TMEM266: variants seen among roughly 807,000 people sequenced by gnomAD.
The protein encoded by TMEM266 is Hv1 related protein 1.
In TMEM266, 33 loss-of-function variants were observed where a neutral mutation model predicts 50.5. The observed-to-expected ratio is 0.65, with a 90% confidence interval of 0.50 to 0.87. The LOEUF is 0.87. TMEM266 is among the 40% of genes least tolerant of loss of function. The probability of loss-of-function intolerance (pLI) is 0.00; values close to 1 mark genes in which losing one functional copy is unlikely to be tolerated. For missense variants in TMEM266, 655 were observed against 695.1 expected, an observed-to-expected ratio of 0.94 and a Z score of 0.65; for synonymous variants, 310 against 292.3, an observed-to-expected ratio of 1.06 and a Z score of -0.62.
In TMEM266 at chr15:76,139,534, C is replaced by T. The variant is rs1420019285; in HGVS notation, c.227+1639C>T. On this transcript the variant is annotated intron_variant, in intron 3 of 10. Coordinates refer to ENST00000388942, the MANE Select transcript of TMEM266 (RefSeq NM_152335.3). This position sits in a 1 kb window ranked among gnomAD's most constrained non-coding sequence, Gnocchi z 4.1. ...CAGAGCCCCGTACTTAGAAGGGTCC[C>T]AACACTTGGCTAAATGCTCTGCCGC... Among the ~76,000 whole-genome samples the T allele has an allele frequency of 6.6e-6, 1 of 152,176 alleles. No homozygotes were observed. The highest frequency in any genetic ancestry group is 1.5e-5 in the Non-Finnish European group (1 of 68,036).
intron 7 of TMEM266, among the ~76,000 whole-genome samples, chr15:76,172,011 A>T (rs943244932): frequency 1.3e-5 from 2 of 152,156 alleles, no homozygotes; most frequent in Non-Finnish European, 2.9e-5. Flanking sequence ...TGGGCTCCAG[A>T]GGGTGTCCTT....
intron 1 of TMEM266, among the ~76,000 whole-genome samples, chr15:76,124,681 C>A (rs1456608508): frequency 1.3e-5 from 2 of 152,086 alleles, no homozygotes; most frequent in African/African-American, 4.8e-5. Context: ...TGCCTGTTGT[C>A]CCAGCTACTC....
chr15:76,095,205 A>G (rs1468125793), intron 1 of TMEM266, among the ~76,000 whole-genome samples: 6 of 152,028 alleles, frequency 3.9e-5, no homozygotes. Context: ...TTTCAAAGGG[A>G]ATGCTTCCAG....
intron 1 of TMEM266, among the ~76,000 whole-genome samples, chr15:76,133,857 TG>T (rs1256392626): frequency 2.6e-5 from 4 of 152,174 alleles, no homozygotes; most frequent in Non-Finnish European, 5.9e-5. Flanking sequence ...GATGCTGTTT[TG>T]GGGGGCACAG....
At chr15:76,072,748 C>T (rs1034406379) in intron 1 of TMEM266, among the ~76,000 whole-genome samples, 3 of 151,918 alleles carry the variant, frequency 2.0e-5, no homozygotes, top group African/African-American at 7.3e-5. Context: ...AGCTATTCTC[C>T]TGCCTCAGCC....
At chr15:76,083,139 T>A (rs2036720789) in intron 1 of TMEM266, among the ~76,000 whole-genome samples, 1 of 151,966 alleles carries the variant, frequency 6.6e-6, no homozygotes, top group Non-Finnish European at 1.5e-5. Flanking sequence ...TCTTTCAGCA[T>A]GAGATTTGGA....
At chr15:76,124,003 G>A (rs994397856) in intron 1 of TMEM266, among the ~76,000 whole-genome samples, 23 of 152,114 alleles carry the variant, frequency 1.5e-4, no homozygotes, top group African/African-American at 4.8e-4. Context: ...GTGAGCCACC[G>A]TGTCCGGTCC....
chr15:76,164,850 G>A (rs2038069497), intron 5 of TMEM266, among the ~76,000 whole-genome samples: 1 of 152,150 alleles, frequency 6.6e-6, no homozygotes, highest in Non-Finnish European at 1.5e-5. Context: ...TGGCTGGCGG[G>A]CCCCACATGG....
chr15:76,078,533 T>C (rs1423822652), intron 1 of TMEM266, among the ~76,000 whole-genome samples: 1 of 152,148 alleles, frequency 6.6e-6, no homozygotes, highest in Non-Finnish European at 1.5e-5. Flanking sequence ...ACAATGAAAA[T>C]TGATACACAG....
At chr15:76,151,923 C>T (rs1275684219) in intron 3 of TMEM266, among the ~76,000 whole-genome samples, 5 of 152,162 alleles carry the variant, frequency 3.3e-5, no homozygotes, top group Admixed American at 1.3e-4. Flanking sequence ...TGATTGCACA[C>T]TGGAGTCATC....
chr15:76,082,280 T>G (rs1486900385), intron 1 of TMEM266, among the ~76,000 whole-genome samples: 1 of 152,228 alleles, frequency 6.6e-6, no homozygotes, highest in Non-Finnish European at 1.5e-5. Context: ...TACCTGAGAC[T>G]GGATAGTCTA....
At position 76,176,665 on chromosome 15, in the gene TMEM266, G is replaced by A. The variant is rs750431170; in HGVS notation, c.768+991G>A. 4.5e-4 allele frequency among the ~76,000 whole-genome samples: 69 copies of A among 152,290 alleles called. 1 individual carries two copies. The highest frequency in any genetic ancestry group is 2.3e-3 in the South Asian group (11 of 4,830). On this transcript the variant is annotated intron_variant, in intron 8 of 10. Transcript: ENST00000388942. Reference sequence around the variant, plus strand: ...GCCCAGGGCCAGGCGAGTTCTTCACGGGCTGTCTTCCAGCCCATGTCCTGC... The same window carrying A: ...GCCCAGGGCCAGGCGAGTTCTTCACAGGCTGTCTTCCAGCCCATGTCCTGC...
chr15:76,173,374 G>A (rs548125317), intron 7 of TMEM266, among the ~76,000 whole-genome samples: 8 of 152,164 alleles, frequency 5.3e-5, no homozygotes, highest in Non-Finnish European at 1.0e-4. Context: ...GTTTCGAGGG[G>A]TGCGGGAACA....
intron 8 of TMEM266, among the ~76,000 whole-genome samples, chr15:76,190,747 A>G (rs2038555253): frequency 6.6e-6 from 1 of 152,162 alleles, no homozygotes; most frequent in African/African-American, 2.4e-5. Context: ...TGAAAGTGAT[A>G]CTGTCGTGGA....
chr15:76,176,191 G>C (rs1195691399), intron 8 of TMEM266: 1 of 153,648 alleles, frequency 6.5e-6, no homozygotes, highest in African/African-American at 2.4e-5. Flanking sequence ...AGGGGGACTG[G>C]CAGCTGGGCC....
At chr15:76,157,000 C>T (rs909309196) in intron 4 of TMEM266, among the ~76,000 whole-genome samples, 2 of 152,236 alleles carry the variant, frequency 1.3e-5, no homozygotes, top group South Asian at 2.1e-4. Context: ...TCTGCAGTCC[C>T]CTCCCCAGCA....
intron 6 of TMEM266, among the ~76,000 whole-genome samples, chr15:76,170,235 C>T (rs992724265): frequency 2.0e-5 from 3 of 152,192 alleles, no homozygotes; most frequent in Non-Finnish European, 2.9e-5. Context: ...GCTGGGTTTC[C>T]GTTCTGCTTC....
chr15:76,067,412 G>T (rs1372354614), intron 1 of TMEM266, among the ~76,000 whole-genome samples: 2 of 151,994 alleles, frequency 1.3e-5, no homozygotes, highest in Non-Finnish European at 2.9e-5. Context: ...GGAGGCCAAG[G>T]AGGGCGGATC....
At chr15:76,129,637 C>T (rs958747436) in intron 1 of TMEM266, among the ~76,000 whole-genome samples, 2 of 151,696 alleles carry the variant, frequency 1.3e-5, no homozygotes, top group African/African-American at 4.9e-5. Context: ...AGTGAAACTC[C>T]ATCTCAAAAC....
Sources: allele counts gnomAD v4.1 joint callset (sites outside exome capture counted in the v4.1 genomes callset), GRCh38; gene constraint gnomAD v4.1.1; non-coding constraint Gnocchi (gnomAD v3.1); transcripts MANE v1.5; gene names NCBI Gene and HGNC (gene_info 2026-07-23, HGNC 2026-07-21).